Variants in PARP8 observed in about 807,000 individuals in gnomAD.
PARP8 encodes protein mono-ADP-ribosyltransferase PARP8.
Under a neutral mutation model 124.1 loss-of-function variants are expected in PARP8, and 51 were observed. That is an observed-to-expected ratio of 0.41 (90% confidence interval 0.33 to 0.52). The LOEUF (loss-of-function observed/expected upper bound fraction) is 0.52. Among genes scored for constraint, PARP8 ranks in the 20% least tolerant of loss-of-function variants. The pLI, the probability that PARP8 is intolerant of heterozygous loss-of-function variation, is 0.21. For missense variants in PARP8, 860 were observed against 1,018.9 expected (o/e 0.84, Z 2.12); for synonymous variants, 391 against 361.5 (o/e 1.08, Z -0.93).
At chr5:50,673,998 C>T (rs932012594) in intron 2 of PARP8, among the ~76,000 whole-genome samples, 1 of 152,204 alleles carries the variant, frequency 6.6e-6, no homozygotes, top group Non-Finnish European at 1.5e-5. Context: ...CTATTTTAAT[C>T]AACTTATTGC....
chr5:50,701,951 G>A (rs1365235528), intron 2 of PARP8, among the ~76,000 whole-genome samples: 5 of 152,036 alleles, frequency 3.3e-5, no homozygotes, highest in Non-Finnish European at 1.5e-5. Flanking sequence ...AATAATGGCC[G>A]TAATTGGGGA....
At chr5:50,698,534 G>A (rs898108354) in intron 2 of PARP8, among the ~76,000 whole-genome samples, 3 of 151,992 alleles carry the variant, frequency 2.0e-5, no homozygotes, top group African/African-American at 7.2e-5. Flanking sequence ...CTTATACCGA[G>A]AGTTTTAAAT....
chr5:50,809,764 G>A (rs1744234814), intron 14 of PARP8, among the ~76,000 whole-genome samples: 1 of 149,224 alleles, frequency 6.7e-6, no homozygotes. Flanking sequence ...AAAGACCATG[G>A]CAAAAATATT....
intron 14 of PARP8, among the ~76,000 whole-genome samples, chr5:50,813,327 T>A (rs1393603106): frequency 6.6e-6 from 1 of 152,194 alleles, no homozygotes; most frequent in Non-Finnish European, 1.5e-5. Flanking sequence ...TAAGTTGGAT[T>A]CCTAGGTATT....
chr5:50,801,546 C>T (rs1177565101), intron 14 of PARP8, among the ~76,000 whole-genome samples: 1 of 152,104 alleles, frequency 6.6e-6, no homozygotes, highest in African/African-American at 2.4e-5. Context: ...TTTAGTGATA[C>T]TCTTTGTTTC....
At chr5:50,828,516 G>T in intron 21 of PARP8, 132 bp downstream of exon 21, 3 of 743,044 alleles carry the variant, frequency 4.0e-6, no homozygotes, top group Non-Finnish European at 4.5e-6. Context: ...ATTTCTAGTA[G>T]GCATACTAGA....
chr5:50,750,217 T>C (rs767513711), intron 3 of PARP8, 29 bp downstream of exon 3: 5 of 1,537,238 alleles, frequency 3.3e-6, no homozygotes, highest in East Asian at 4.5e-5. Flanking sequence ...ATTACAGATA[T>C]TCGTATCAGG....
chr5:50,836,229 C>T (rs900203805), intron 25 of PARP8, among the ~76,000 whole-genome samples: 4 of 152,038 alleles, frequency 2.6e-5, no homozygotes, highest in African/African-American at 7.2e-5. Context: ...AGAAGGAGCC[C>T]GCTTTTGATC....
chr5:50,766,308 C>T (rs1251503466), intron 7 of PARP8, among the ~76,000 whole-genome samples: 13 of 152,096 alleles, frequency 8.5e-5, no homozygotes, highest in South Asian at 8.3e-4. Flanking sequence ...ATGAACTTTG[C>T]GATCAGTCTG....
intron 2 of PARP8, among the ~76,000 whole-genome samples, chr5:50,719,175 T>G (rs182189988): frequency 6.6e-6 from 1 of 152,086 alleles, no homozygotes; most frequent in African/African-American, 2.4e-5. Flanking sequence ...ACTTTCTTTA[T>G]TGAGTTGTTT....
chr5:50,686,260 CA>C (rs932197372), intron 2 of PARP8, among the ~76,000 whole-genome samples: 1 of 152,214 alleles, frequency 6.6e-6, no homozygotes, highest in African/African-American at 2.4e-5. Flanking sequence ...CCTGCAAGTC[CA>C]AAATTCAGCA....
intron 16 of PARP8, among the ~76,000 whole-genome samples, chr5:50,821,539 AG>A (rs1235828746): frequency 1.3e-5 from 2 of 152,180 alleles, no homozygotes; most frequent in African/African-American, 4.8e-5. Flanking sequence ...TCATGGGTAA[AG>A]GGACAAGTTT....
At chr5:50,726,185 T>G (rs1361471574) in intron 2 of PARP8, among the ~76,000 whole-genome samples, 3 of 152,150 alleles carry the variant, frequency 2.0e-5, no homozygotes, top group Non-Finnish European at 4.4e-5. Flanking sequence ...AGCTTCACTT[T>G]AATTCCCTTA....
intron 21 of PARP8, among the ~76,000 whole-genome samples, chr5:50,828,905 A>G (rs375564939): frequency 7.9e-5 from 12 of 152,150 alleles, no homozygotes; most frequent in African/African-American, 2.4e-4. Flanking sequence ...AAAAAGAAAA[A>G]AAAAGAAAAG....
chr5:50,684,588 G>C (rs1030156487), intron 2 of PARP8, among the ~76,000 whole-genome samples: 1 of 151,898 alleles, frequency 6.6e-6, no homozygotes, highest in African/African-American at 2.4e-5. Flanking sequence ...GTCTAGTCTT[G>C]ACAGAGCACC....
In PARP8 at chr5:50,829,911, G is replaced by A; in HGVS notation, c.2183G>A (p.Gly728Glu). ...TCTTAGCTCCATGGTGCAATGTATG[G>A]AAGTGGAATCTATCTTAGTCCAATG... ...TRLQLHGAMY[G>E]SGIYLSPMSS... The change falls in exon 22 of 26, where the codon GGA becomes GAA. Residue 728 changes from glycine to glutamate, a missense_variant. Around this residue, in one of 2 missense-constraint regions of PARP8, gnomAD observed 343 missense variants for 474.7 expected, o/e 0.72. Transcript: ENST00000281631. 1 of 1,609,616 alleles carries A rather than the reference G, an allele frequency of 6.2e-7. No homozygotes were observed. The highest frequency in any genetic ancestry group is 2.2e-5 in the East Asian group (1 of 44,752).
At chr5:50,830,042 T>G in intron 22 of PARP8, 81 bp downstream of exon 22, 1 of 1,381,098 alleles carries the variant, frequency 7.2e-7, no homozygotes, top group Non-Finnish European at 9.5e-7. Context: ...CACAGCTTTC[T>G]ATTGTGCCTT....
intron 2 of PARP8, among the ~76,000 whole-genome samples, chr5:50,740,645 A>C (rs1757947553): frequency 6.6e-6 from 1 of 151,986 alleles, no homozygotes; most frequent in Admixed American, 6.6e-5. Context: ...CCTCATCTCT[A>C]CACTAAATTT....
intron 2 of PARP8, among the ~76,000 whole-genome samples, chr5:50,709,919 A>G (rs1280083274): frequency 1.4e-3 from 87 of 62,492 alleles, no homozygotes; most frequent in Non-Finnish European, 2.2e-3. Flanking sequence ...AGGTAGAAAG[A>G]GTGTATATAT....
Sources: gnomAD v4.1 joint callset for allele counts (sites outside exome capture counted in the v4.1 genomes callset) on GRCh38, gnomAD v4.1.1 for gene constraint, gnomAD v4.1.1 regional missense constraint, MANE v1.5 for transcripts, NCBI Gene and HGNC (gene_info 2026-07-23, HGNC 2026-07-21) for gene names.